CACNA1C: variants seen among roughly 807,000 people sequenced by gnomAD.
CACNA1C encodes the protein voltage-dependent L-type calcium channel subunit alpha-1C.
A neutral mutation model predicts 229.0 loss-of-function variants in CACNA1C; 30 were observed. The ratio of observed to expected loss-of-function variants is 0.13; its 90% confidence interval spans 0.10 to 0.18. The LOEUF (loss-of-function observed/expected upper bound fraction) is 0.18, where lower values mean the gene tolerates loss of function less well. Among genes scored for constraint, CACNA1C ranks in the 10% least tolerant of loss-of-function variants. The probability of loss-of-function intolerance (pLI) is 1.00; values close to 1 mark genes in which losing one functional copy is unlikely to be tolerated. For synonymous variants in CACNA1C, 1,114 were observed against 1,132.5 expected (o/e 0.98, Z 0.33); for missense variants, 1,658 against 2,845.0 (o/e 0.58, Z 9.49).
At chr12:2,058,399 G>A (rs1274969261) in intron 1 of CACNA1C, among the ~76,000 whole-genome samples, 1 of 150,550 alleles carries the variant, frequency 6.6e-6, no homozygotes, top group Non-Finnish European at 1.5e-5. Context: ...GACTGTTTGC[G>A]AAACACCTGG....
At chr12:2,086,000 G>A (rs958861516) in intron 1 of CACNA1C, among the ~76,000 whole-genome samples, 1 of 152,112 alleles carries the variant, frequency 6.6e-6, no homozygotes, top group African/African-American at 2.4e-5. Context: ...GCTTCTTTAG[G>A]ATTCAGATCA....
intron 3 of CACNA1C, among the ~76,000 whole-genome samples, chr12:2,333,822 T>G (rs1183427201): frequency 6.6e-6 from 1 of 152,222 alleles, no homozygotes; most frequent in Non-Finnish European, 1.5e-5. Context: ...CAAAGCTCTG[T>G]GGCACACAGC....
intron 4 of CACNA1C, among the ~76,000 whole-genome samples, chr12:2,451,473 G>A (rs2099367920): frequency 6.6e-6 from 1 of 152,226 alleles, no homozygotes; most frequent in African/African-American, 2.4e-5. Flanking sequence ...TTTGAAGTGA[G>A]TTGGAGTTGA....
At chr12:2,430,773 C>G (rs991081109) in intron 3 of CACNA1C, among the ~76,000 whole-genome samples, 3 of 152,122 alleles carry the variant, frequency 2.0e-5, no homozygotes, top group African/African-American at 7.2e-5. Flanking sequence ...GAGGCCCTTC[C>G]TTTGTGTTCC....
intron 18 of CACNA1C, among the ~76,000 whole-genome samples, chr12:2,591,155 T>C (rs1461949877): frequency 1.3e-5 from 2 of 152,308 alleles, no homozygotes; most frequent in African/African-American, 4.8e-5. Flanking sequence ...CAAAAAAGCC[T>C]TGGGTCCCTA....
intron 1 of CACNA1C, among the ~76,000 whole-genome samples, chr12:2,065,069 T>G (rs2058842637): frequency 6.6e-6 from 1 of 152,226 alleles, no homozygotes; most frequent in African/African-American, 2.4e-5. Flanking sequence ...TCACTGGCCC[T>G]GCTCACAGGT....
chr12:2,096,908 T>C (rs576393834), intron 1 of CACNA1C, among the ~76,000 whole-genome samples: 1 of 152,354 alleles, frequency 6.6e-6, no homozygotes, highest in Admixed American at 6.5e-5. Flanking sequence ...TGTAGCAGTA[T>C]TGTATTCTTT....
At chr12:2,338,081 C>T (rs2096753797) in intron 3 of CACNA1C, among the ~76,000 whole-genome samples, 1 of 152,160 alleles carries the variant, frequency 6.6e-6, no homozygotes, top group South Asian at 2.1e-4. Context: ...TACACTCCCC[C>T]TCACTACCCC....
chr12:2,284,113 CT>C (rs1391558566), intron 3 of CACNA1C, among the ~76,000 whole-genome samples: 1 of 152,184 alleles, frequency 6.6e-6, no homozygotes, highest in Admixed American at 6.5e-5. Flanking sequence ...CGCCATCCCC[CT>C]AGCTCGTCCC....
intron 1 of CACNA1C, among the ~76,000 whole-genome samples, chr12:2,065,302 G>T (rs1282573480): frequency 6.6e-6 from 1 of 152,200 alleles, no homozygotes; most frequent in Admixed American, 6.5e-5. Flanking sequence ...ATGCCCAGCT[G>T]TCTGAAAGAC....
intron 5 of CACNA1C, among the ~76,000 whole-genome samples, chr12:2,473,084 T>A (rs544640166): frequency 2.0e-5 from 3 of 152,328 alleles, no homozygotes; most frequent in African/African-American, 7.2e-5. Flanking sequence ...AGATGTTAAC[T>A]AGGTCTCTCC....
intron 5 of CACNA1C, among the ~76,000 whole-genome samples, chr12:2,466,253 T>C (rs1419565621): frequency 6.6e-6 from 1 of 152,160 alleles, no homozygotes; most frequent in Non-Finnish European, 1.5e-5. Flanking sequence ...AAATTTGCTG[T>C]TGGTAAATTG....
intron 3 of CACNA1C, among the ~76,000 whole-genome samples, chr12:2,136,185 G>A (rs531672130): frequency 7.3e-5 from 11 of 151,394 alleles, no homozygotes; most frequent in Non-Finnish European, 1.0e-4. Flanking sequence ...ACTGGCCTGC[G>A]CCCACTGTCT....
chr12:2,100,275 A>G (rs2154099204), intron 1 of CACNA1C, among the ~76,000 whole-genome samples: 1 of 151,764 alleles, frequency 6.6e-6, no homozygotes, highest in South Asian at 2.1e-4. Flanking sequence ...GCAAAATCCC[A>G]TCTCTAGTAA....
chr12:2,603,777 A>G (rs2073952302), intron 22 of CACNA1C: 1 of 152,164 alleles, frequency 6.6e-6, no homozygotes, highest in African/African-American at 2.4e-5. Context: ...AAATCAACTG[A>G]CAAAAGAAAG....
chr12:2,039,879 T>A (rs1015295076), intron 1 of CACNA1C, among the ~76,000 whole-genome samples: 4 of 152,154 alleles, frequency 2.6e-5, no homozygotes, highest in African/African-American at 9.7e-5. Context: ...TGGGGCATCA[T>A]GTCAGTGTTG....
chr12:2,390,725 C>T (rs566281716), intron 3 of CACNA1C, among the ~76,000 whole-genome samples: 2 of 151,956 alleles, frequency 1.3e-5, no homozygotes, highest in African/African-American at 2.4e-5. Context: ...GAGTGTGGAA[C>T]GAAGGCACGG....
At chr12:2,502,495 A>G (rs1336048362) in intron 7 of CACNA1C, among the ~76,000 whole-genome samples, 5 of 152,190 alleles carry the variant, frequency 3.3e-5, no homozygotes, top group African/African-American at 1.2e-4. Flanking sequence ...TGCTCAGTAA[A>G]CCCACGTTCA....
chr12:2,228,324 C>T (rs754621206), intron 3 of CACNA1C, among the ~76,000 whole-genome samples: 3 of 152,174 alleles, frequency 2.0e-5, no homozygotes, highest in Non-Finnish European at 4.4e-5. Context: ...TATGATTACT[C>T]CATAAAGTAG....
Sources: gnomAD v4.1 joint callset for allele counts (sites outside exome capture counted in the v4.1 genomes callset) on GRCh38, gnomAD v4.1.1 for gene constraint, MANE v1.5 for transcripts, NCBI Gene and HGNC (gene_info 2026-07-23, HGNC 2026-07-21) for gene names.